Variants in SLIT1 observed in about 807,000 individuals in gnomAD.
SLIT1 encodes slit guidance ligand 1.
In SLIT1, 66 loss-of-function variants were observed where a neutral mutation model predicts 186.1. The ratio of observed to expected loss-of-function variants is 0.35; its 90% CI spans 0.29 to 0.44. The LOEUF is 0.44. Among genes scored for constraint, SLIT1 ranks in the 20% least tolerant of loss-of-function variants. The pLI, the probability that SLIT1 is intolerant of heterozygous loss-of-function variation, is 1.00. For synonymous variants in SLIT1, 761 were observed against 833.8 expected (o/e 0.91, Z 1.50); for missense variants, 1,638 against 2,037.4 (o/e 0.80, Z 3.77).
intron 4 of SLIT1, among the ~76,000 whole-genome samples, chr10:97,127,672 G>A (rs142538773): frequency 6.6e-6 from 1 of 152,154 alleles, no homozygotes; most frequent in Non-Finnish European, 1.5e-5. Context: ...GAGCTTCAGG[G>A]ATCATGCGTA....
In SLIT1 at chr10:97,091,640, T is replaced by A. The variant is rs138801203; in HGVS notation, c.414-25554A>T. On this transcript the variant is annotated intron_variant, in intron 4 of 36. Coordinates refer to ENST00000266058, the MANE Select transcript of SLIT1 (RefSeq NM_003061.3). ...TAAACTTTTGGCACATACCGCTTTA[T>A]ATTTGTATGACAGTCACACTTCTAG... Among the ~76,000 whole-genome samples the A allele has an allele frequency of 2.3e-3, 350 of 152,358 alleles. 1 individual carries two copies. The highest frequency in any genetic ancestry group is 7.7e-3 in the African/African-American group (321 of 41,590).
intron 11 of SLIT1, 150 bp downstream of exon 11, chr10:97,059,310 G>T: frequency 1.5e-6 from 1 of 661,852 alleles, no homozygotes; most frequent in Non-Finnish European, 2.7e-6. Flanking sequence ...TGCAGCCAAA[G>T]GATGACCCAC....
chr10:97,073,107 T>A (rs1365748371), intron 4 of SLIT1, among the ~76,000 whole-genome samples: 1 of 152,064 alleles, frequency 6.6e-6, no homozygotes, highest in Non-Finnish European at 1.5e-5. Context: ...GCTATTCTCT[T>A]TTTTTTTCTT....
rs533732814 is a variant in SLIT1, at chr10:97,116,019, T to C, written c.413+41799A>G. ...TGGAGTGAAACCTTCATCCAAGCCT[T>C]GGTTGTGCCAGTTCACCTGCTGTGT... On this transcript the variant is annotated intron_variant, in intron 4 of 36. Transcript: ENST00000266058. 4.6e-5 allele frequency among the ~76,000 whole-genome samples: 7 copies of C among 152,246 alleles called. No homozygotes were observed. In the South Asian group the frequency reaches 1.2e-3, roughly 27 times the overall value.
intron 4 of SLIT1, among the ~76,000 whole-genome samples, chr10:97,109,375 C>G (rs913788782): frequency 6.6e-6 from 1 of 152,166 alleles, no homozygotes; most frequent in African/African-American, 2.4e-5. Flanking sequence ...CTGAGACCAT[C>G]TGCAACCTCA....
chr10:97,081,742 A>T (rs920350311), intron 4 of SLIT1, among the ~76,000 whole-genome samples: 9 of 152,206 alleles, frequency 5.9e-5, no homozygotes, highest in Non-Finnish European at 8.8e-5. Context: ...GAAGGTTTCC[A>T]GTTGGCTGAG....
intron 4 of SLIT1, among the ~76,000 whole-genome samples, chr10:97,127,189 G>A (rs1304435881): frequency 6.6e-6 from 1 of 151,990 alleles, no homozygotes; most frequent in Non-Finnish European, 1.5e-5. Flanking sequence ...CAGCTACTGA[G>A]GCAGGAGAAT....
intron 4 of SLIT1, among the ~76,000 whole-genome samples, chr10:97,119,913 G>GTATATATA (rs55656011): frequency 0.086 from 4,855 of 56,192 alleles, 537 homozygotes; most frequent in Admixed American, 0.12. Context: ...TTCCAAAGGG[G>GTATATATA]TATATATATA....
rs781189923 is a variant in SLIT1, at chr10:97,048,997, T to G, written c.1423A>C (p.Lys475Gln). The change falls in exon 14 of 37, where the codon AAG (lysine) becomes CAG (glutamine). Residue 475 changes from lysine (K) to glutamine (Q), a missense_variant. Physicochemically the swap from Lys to Gln is moderately conservative, Grantham distance 53. Transcript: ENST00000266058. ...TTGCTCTTGATCTGCCCGATGCGCT[T>G]GTTGGCGAGGCGCCGGGGACTGGCA... is the stretch of plus-strand genomic sequence containing the variant. ...RCASPRRLANKRIGQIKSKKF... is the reference protein window; with the variant it reads ...RCASPRRLANQRIGQIKSKKF... The G allele has an allele frequency of 6.2e-7, 1 of 1,610,012 alleles. No individual in the cohort carries two copies. Among genetic ancestry groups the G allele is most frequent in the Non-Finnish European group, 8.5e-7 (1 of 1,179,186 alleles).
intron 4 of SLIT1, among the ~76,000 whole-genome samples, chr10:97,150,712 G>A (rs998399015): frequency 3.9e-5 from 6 of 152,100 alleles, no homozygotes; most frequent in African/African-American, 4.8e-5. Context: ...GGATGACGAG[G>A]GGATCAGCAA....
At chr10:97,053,283 C>A (rs1449621642) in intron 13 of SLIT1, among the ~76,000 whole-genome samples, 1 of 152,206 alleles carries the variant, frequency 6.6e-6, no homozygotes, top group South Asian at 2.1e-4. Flanking sequence ...GACATTCTGC[C>A]AGCTGCTTAA....
chr10:97,081,963 A>G (rs1183028274), intron 4 of SLIT1, among the ~76,000 whole-genome samples: 2 of 152,192 alleles, frequency 1.3e-5, no homozygotes, highest in Non-Finnish European at 1.5e-5. Flanking sequence ...CTTTCTCCAA[A>G]GCCTACAGAG....
At chr10:97,083,192 C>G (rs1271618134) in intron 4 of SLIT1, among the ~76,000 whole-genome samples, 2 of 152,182 alleles carry the variant, frequency 1.3e-5, no homozygotes, top group Non-Finnish European at 2.9e-5. Flanking sequence ...ACCTCAGCCT[C>G]CCAAAGTGCT....
intron 4 of SLIT1, among the ~76,000 whole-genome samples, chr10:97,115,101 G>A (rs1030994879): frequency 6.6e-6 from 1 of 152,206 alleles, no homozygotes; most frequent in Non-Finnish European, 1.5e-5. Context: ...TTCCCATTGC[G>A]ACATCAGAGG....
At chr10:97,074,415 G>A (rs1273898557) in intron 4 of SLIT1, among the ~76,000 whole-genome samples, 1 of 152,168 alleles carries the variant, frequency 6.6e-6, no homozygotes, top group East Asian at 1.9e-4. Flanking sequence ...CCTATGCTGC[G>A]GCCACTTGTA....
chr10:97,104,035 GC>G (rs1038212126), intron 4 of SLIT1, among the ~76,000 whole-genome samples: 1 of 152,134 alleles, frequency 6.6e-6, no homozygotes, highest in Non-Finnish European at 1.5e-5. Context: ...ACACAGCCCT[GC>G]CCCGTGGAGC....
At chr10:97,075,053 G>A (rs552804961) in intron 4 of SLIT1, among the ~76,000 whole-genome samples, 5 of 152,332 alleles carry the variant, frequency 3.3e-5, no homozygotes, top group South Asian at 2.1e-4. Flanking sequence ...CCACTCGGGC[G>A]CCACTGCAGG....
chr10:97,073,826 G>T (rs1026400917), intron 4 of SLIT1, among the ~76,000 whole-genome samples: 3 of 152,076 alleles, frequency 2.0e-5, no homozygotes, highest in Admixed American at 2.0e-4. Flanking sequence ...GATGGAAAGC[G>T]GCACTTATGT....
intron 17 of SLIT1, 55 bp from the exon 18 acceptor site, chr10:97,046,852 C>A: frequency 6.3e-7 from 1 of 1,595,814 alleles, no homozygotes; most frequent in Non-Finnish European, 8.5e-7. Context: ...GGAGCTCAGG[C>A]CCCTCCCTTC....
Sources: allele counts gnomAD v4.1 joint callset (sites outside exome capture counted in the v4.1 genomes callset), GRCh38; gene constraint gnomAD v4.1.1; transcripts MANE v1.5; gene names NCBI Gene and HGNC (gene_info 2026-07-23, HGNC 2026-07-21).